PDCD2L: variants seen among roughly 807,000 people sequenced by gnomAD.
PDCD2L encodes the protein uS5 assembly chaperone PDCD2L.
A neutral mutation model predicts 40.4 loss-of-function variants in PDCD2L; 44 were observed. That is an observed-to-expected ratio of 1.09 (90% confidence interval 0.86 to 1.40). The LOEUF (loss-of-function observed/expected upper bound fraction) is 1.40, where lower values mean the gene tolerates loss of function less well. PDCD2L is among the 40% of genes most tolerant of loss of function. The pLI is 0.00. For synonymous variants in PDCD2L, 194 were observed against 174.6 expected (o/e 1.11, Z -0.88); for missense variants, 470 against 453.7 (o/e 1.04, Z -0.33).
chr19:34,410,249 C>A (rs1258457688), intron 4 of PDCD2L, among the ~76,000 whole-genome samples: 2 of 152,176 alleles, frequency 1.3e-5, no homozygotes, highest in Non-Finnish European at 2.9e-5. Context: ...GTGCACACCA[C>A]CATGTCTGAC....
chr19:34,411,985 A>ATATATATATAT (rs1568358917), intron 4 of PDCD2L, among the ~76,000 whole-genome samples: 1 of 98,252 alleles, frequency 1.0e-5, no homozygotes, highest in Non-Finnish European at 2.5e-5. Context: ...TATATATATA[A>ATATATATATAT]AATAAATAAT....
chr19:34,405,907 C>CAA, intron 3 of PDCD2L, among the ~76,000 whole-genome samples: 1 of 151,000 alleles, frequency 6.6e-6, no homozygotes, highest in African/African-American at 2.4e-5. Context: ...AAAAACAAAA[C>CAA]AAAACAAAAC....
intron 3 of PDCD2L, among the ~76,000 whole-genome samples, chr19:34,406,648 C>T (rs957313315): frequency 4.6e-4 from 70 of 152,022 alleles, no homozygotes; most frequent in African/African-American, 1.6e-3. Context: ...ACCTCGGCCT[C>T]CCAAAGTGCT....
intron 2 of PDCD2L, 25 bp from the exon 3 acceptor site, chr19:34,404,905 A>G: frequency 1.2e-6 from 2 of 1,613,774 alleles, no homozygotes; most frequent in South Asian, 2.2e-5. Context: ...TGCAGCCCTC[A>G]CGGCCCTTTG....
intron 5 of PDCD2L, among the ~76,000 whole-genome samples, chr19:34,415,259 C>T (rs1482526358): frequency 2.0e-5 from 3 of 152,054 alleles, no homozygotes; most frequent in Non-Finnish European, 2.9e-5. Context: ...TCTAGGATTA[C>T]AGCGCCACCA....
Position 34,404,402 on chromosome 19 carries a change from T to C in PDCD2L, c.-29T>C. 1 of 1,530,600 alleles carries C rather than the reference T, an allele frequency of 6.5e-7. No individual in the cohort carries two copies. The highest frequency in any genetic ancestry group is 1.2e-5 in the South Asian group (1 of 82,794). 94.8% of individuals were successfully genotyped at this position (1,530,600 alleles called of 1,614,324 possible). Reference sequence around the variant, plus strand: ...GCGTGCGCAGAGAGGCCGCCGTAGTTTGCGTTTTCACCTGGTCGCCCGGCG... The same window carrying C: ...GCGTGCGCAGAGAGGCCGCCGTAGTCTGCGTTTTCACCTGGTCGCCCGGCG... On this transcript the variant is annotated 5_prime_UTR_variant, in exon 1 of 7. Transcript: ENST00000246535.
chr19:34,422,908 C>T (rs767620761), intron 6 of PDCD2L, among the ~76,000 whole-genome samples: 9 of 151,598 alleles, frequency 5.9e-5, no homozygotes, highest in South Asian at 2.1e-4. Context: ...TTAGTAGAGA[C>T]GGGGTTTCAC....
chr19:34,413,756 G>T lies in PDCD2L; in HGVS notation c.706G>T (p.Glu236Ter), dbSNP rs950683813. The T allele has an allele frequency of 6.3e-7, 1 of 1,592,468 alleles. No individual in the cohort carries two copies. Among genetic ancestry groups the T allele is most frequent in the Non-Finnish European group, 8.6e-7 (1 of 1,163,970 alleles). ...LSQSLPNDGD[E>*]KYEKTIIKSG... ...TTTTAGCCTTCCTAATGATGGTGAT[G>T]AAAAATATGAGAAGACCATAATTAA... The change falls in exon 5 of 7, where the codon GAA becomes TAA. Residue 236 changes from glutamate (E) to a stop codon, truncating the protein, a stop_gained. Coordinates refer to ENST00000246535, the MANE Select transcript of PDCD2L (RefSeq NM_032346.2). LOFTEE classifies it high-confidence loss of function.
chr19:34,411,080 G>A (rs2075100500), intron 4 of PDCD2L, among the ~76,000 whole-genome samples: 1 of 151,424 alleles, frequency 6.6e-6, no homozygotes, highest in Admixed American at 6.6e-5. Context: ...ACCGCGCCCG[G>A]CAGGATTTTT....
intron 3 of PDCD2L, among the ~76,000 whole-genome samples, chr19:34,407,220 C>T (rs10420277): frequency 0.22 from 32,957 of 151,778 alleles, 4,757 homozygotes; most frequent in African/African-American, 0.41. Flanking sequence ...TGGCTCACTG[C>T]AGCCTCCGCC....
At chr19:34,419,523 G>T (rs1268339321) in intron 5 of PDCD2L, among the ~76,000 whole-genome samples, 1 of 150,240 alleles carries the variant, frequency 6.7e-6, no homozygotes, top group Non-Finnish European at 1.5e-5. Flanking sequence ...TAAAGAGATG[G>T]GTGTCTCACT....
chr19:34,410,933 C>T (rs923181086), intron 4 of PDCD2L, among the ~76,000 whole-genome samples: 12 of 150,322 alleles, frequency 8.0e-5, no homozygotes, highest in South Asian at 2.1e-4. Context: ...TACAGGTGCG[C>T]GCCACCACAC....
At chr19:34,406,356 C>T (rs1428735966) in intron 3 of PDCD2L, among the ~76,000 whole-genome samples, 3 of 152,048 alleles carry the variant, frequency 2.0e-5, no homozygotes, top group Non-Finnish European at 4.4e-5. Context: ...TTTGAAATTT[C>T]CTCTAGCAAT....
intron 5 of PDCD2L, among the ~76,000 whole-genome samples, chr19:34,416,573 A>T (rs2075127373): frequency 6.6e-6 from 1 of 152,106 alleles, no homozygotes; most frequent in Non-Finnish European, 1.5e-5. Flanking sequence ...CTCTTTTACC[A>T]CCTACAGAAA....
chr19:34,422,784 C>T (rs56203307), intron 6 of PDCD2L, among the ~76,000 whole-genome samples: 64,281 of 151,490 alleles, frequency 0.42, 16,576 homozygotes, highest in Non-Finnish European at 0.58. Flanking sequence ...GGCATAATCT[C>T]AGCTCACTGC....
chr19:34,421,974 G>A (rs1015507236), intron 6 of PDCD2L: 1 of 179,028 alleles, frequency 5.6e-6, no homozygotes, highest in Non-Finnish European at 1.2e-5. Context: ...TGTAGTCCCA[G>A]CTCCTTGGGA....
intron 5 of PDCD2L, among the ~76,000 whole-genome samples, chr19:34,418,810 TAAG>T (rs1244417924): frequency 2.0e-5 from 3 of 152,234 alleles, no homozygotes; most frequent in South Asian, 2.1e-4. Context: ...TTTAGCCATT[TAAG>T]AAGGTGTGTA....
At chr19:34,417,746 T>G (rs1229808231) in intron 5 of PDCD2L, among the ~76,000 whole-genome samples, 1 of 152,168 alleles carries the variant, frequency 6.6e-6, no homozygotes, top group Non-Finnish European at 1.5e-5. Context: ...GATGGTATCT[T>G]TGAAGGGTTG....
chr19:34,410,386 G>C (rs769542057), intron 4 of PDCD2L, among the ~76,000 whole-genome samples: 1 of 152,082 alleles, frequency 6.6e-6, no homozygotes, highest in African/African-American at 2.4e-5. Context: ...CAAGTAGCTG[G>C]GATTATAGCC....
Sources: gnomAD v4.1 joint callset for allele counts (sites outside exome capture counted in the v4.1 genomes callset) on GRCh38, gnomAD v4.1.1 for gene constraint, MANE v1.5 for transcripts, NCBI Gene and HGNC (gene_info 2026-07-23, HGNC 2026-07-21) for gene names.